DHRSX: variants seen among roughly 807,000 people sequenced by gnomAD.
DHRSX encodes the protein dehydrogenase/reductase X-linked, also known as polyprenol dehydrogenase.
Under a neutral mutation model 34.0 loss-of-function variants are expected in DHRSX, and 31 were observed. The ratio of observed to expected loss-of-function variants is 0.91; its 90% CI spans 0.69 to 1.23. The LOEUF is 1.23. DHRSX is among the 50% of genes most tolerant of loss of function. DHRSX has a pLI of 0.00. For synonymous variants in DHRSX, 201 were observed against 183.8 expected, an observed-to-expected ratio of 1.09 and a Z score of -0.76; for missense variants, 414 against 428.1, an observed-to-expected ratio of 0.97 and a Z score of 0.29.
rs778137150 is a variant in DHRSX at position 2,285,102 on chromosome X, GAC to G, written c.388+6398_388+6399del. ...GGCACCAGGGACCACTTTTGTGAAA[GAC>G]AATTTTCTGAAGACAGAAGGTGGAG... On this transcript the variant is annotated intron_variant, in intron 4 of 6. Transcript: ENST00000334651. 1.4e-4 allele frequency among the ~76,000 whole-genome samples: 21 copies of G among 152,276 alleles called. No individual in the cohort carries two copies. The South Asian group carries it at 3.9e-3, about 29-fold the overall frequency.
At chrX:2,432,172 C>T (rs771593948) in intron 1 of DHRSX, among the ~76,000 whole-genome samples, 6 of 151,372 alleles carry the variant, frequency 4.0e-5, no homozygotes, top group South Asian at 4.2e-4. Context: ...CCAGCCAGGG[C>T]GACAGAGCCA....
intron 1 of DHRSX, among the ~76,000 whole-genome samples, chrX:2,428,354 A>G (rs2043875161): frequency 6.6e-6 from 1 of 152,244 alleles, no homozygotes; most frequent in African/African-American, 2.4e-5. Context: ...ACAATAGTAA[A>G]GACTTGGAAC....
intron 3 of DHRSX, among the ~76,000 whole-genome samples, chrX:2,347,656 G>A (rs778895479): frequency 1.3e-4 from 20 of 152,192 alleles, no homozygotes; most frequent in South Asian, 8.3e-4. Flanking sequence ...ATCATGCCAC[G>A]GCACTCCAGC....
chrX:2,362,883 C>T (rs1437373121), intron 3 of DHRSX, among the ~76,000 whole-genome samples: 2 of 125,128 alleles, frequency 1.6e-5, no homozygotes, highest in African/African-American at 2.7e-5. Context: ...TCTATGATAT[C>T]ATGCCGCCAT....
At chrX:2,269,664 G>GA (rs2041523335) in intron 4 of DHRSX, among the ~76,000 whole-genome samples, 1 of 152,140 alleles carries the variant, frequency 6.6e-6, no homozygotes, top group African/African-American at 2.4e-5. Context: ...AGCCTCCCGA[G>GA]TAGCTGGGAT....
intron 3 of DHRSX, among the ~76,000 whole-genome samples, chrX:2,291,904 T>A (rs2041871404): frequency 6.7e-6 from 1 of 148,190 alleles, no homozygotes; most frequent in Non-Finnish European, 1.5e-5. Context: ...GTATTTTTTT[T>A]TTTTTTTTTT....
intron 3 of DHRSX, 133 bp downstream of exon 3, chrX:2,408,612 G>A: frequency 1.3e-6 from 1 of 752,858 alleles, no homozygotes; most frequent in Non-Finnish European, 2.2e-6. Context: ...CCCAAAAGAA[G>A]AGTGCAAAAA....
At chrX:2,419,140 C>A (rs766362529) in intron 2 of DHRSX, among the ~76,000 whole-genome samples, 19 of 152,254 alleles carry the variant, frequency 1.2e-4, no homozygotes, top group African/African-American at 4.6e-4. Flanking sequence ...TGTTGAAATT[C>A]TAACATCCCC....
At chrX:2,268,769 C>T (rs1211175271) in intron 4 of DHRSX, among the ~76,000 whole-genome samples, 1 of 152,182 alleles carries the variant, frequency 6.6e-6, no homozygotes, top group Non-Finnish European at 1.5e-5. Flanking sequence ...TGGAATTGTA[C>T]AATCGCAAGT....
At chrX:2,363,132 T>A (rs1220309279) in intron 3 of DHRSX, among the ~76,000 whole-genome samples, 5 of 133,694 alleles carry the variant, frequency 3.7e-5, no homozygotes, top group South Asian at 2.6e-4. Flanking sequence ...TTCTATGGTA[T>A]CATGCCGCCA....
chrX:2,448,914 C>T (rs1489216035), intron 1 of DHRSX, among the ~76,000 whole-genome samples: 1 of 152,118 alleles, frequency 6.6e-6, no homozygotes, highest in African/African-American at 2.4e-5. Flanking sequence ...CTGGGCCGGG[C>T]GCGGTGGCTC....
At chrX:2,240,024 G>C (rs1165279130) in intron 6 of DHRSX, among the ~76,000 whole-genome samples, 1 of 151,742 alleles carries the variant, frequency 6.6e-6, no homozygotes, top group Non-Finnish European at 1.5e-5. Context: ...TGGGCGCGGT[G>C]GCTCACGCCT....
At chrX:2,258,579 A>C (rs942443133) in intron 5 of DHRSX, among the ~76,000 whole-genome samples, 6 of 152,046 alleles carry the variant, frequency 3.9e-5, no homozygotes, top group Non-Finnish European at 8.8e-5. Flanking sequence ...CCTCAGGAGG[A>C]GTCAGCCACA....
intron 4 of DHRSX, among the ~76,000 whole-genome samples, chrX:2,276,624 G>A (rs1428067561): frequency 1.3e-5 from 2 of 151,990 alleles, no homozygotes; most frequent in Admixed American, 6.6e-5. Flanking sequence ...TGTGCCTGAA[G>A]CAGTGAACAC....
intron 3 of DHRSX, among the ~76,000 whole-genome samples, chrX:2,347,100 T>A (rs183432376): frequency 3.3e-5 from 5 of 152,292 alleles, no homozygotes; most frequent in South Asian, 2.1e-4. Flanking sequence ...ATAAGTATGT[T>A]TTCATGCTGT....
At chrX:2,375,616 CGGTTGGTT>C (rs1024429493) in intron 3 of DHRSX, among the ~76,000 whole-genome samples, 1 of 133,872 alleles carries the variant, frequency 7.5e-6, no homozygotes, top group Non-Finnish European at 1.8e-5. Context: ...GTTGGTTGGT[CGGTTGGTT>C]GGTTGGTTGG....
At chrX:2,345,477 T>C (rs2042694491) in intron 3 of DHRSX, among the ~76,000 whole-genome samples, 1 of 151,754 alleles carries the variant, frequency 6.6e-6, no homozygotes, top group South Asian at 2.1e-4. Context: ...ACCTTGTCTC[T>C]ACCAAAAAAA....
chrX:2,436,065 C>T (rs941803698), intron 1 of DHRSX, among the ~76,000 whole-genome samples: 2 of 151,994 alleles, frequency 1.3e-5, no homozygotes, highest in African/African-American at 4.8e-5. Context: ...TGGTAGCACG[C>T]ACCTGTAATC....
At position 2,352,149 on chromosome X, in the gene DHRSX, C is replaced by T. The variant is rs376295763; in HGVS notation, c.286+56596G>A. The stretch of plus-strand genomic sequence containing the variant: ...GATGTCCTCCCGTATTCTCTATCCA[C>T]AAAACAGGAAGCTTAGCTGATGACT... On this transcript the variant is annotated intron_variant, in intron 3 of 6. Coordinates refer to ENST00000334651, the MANE Select transcript of DHRSX (RefSeq NM_145177.3). 8.5e-5 allele frequency among the ~76,000 whole-genome samples: 13 copies of T among 152,092 alleles called. No individual in the cohort carries two copies. The East Asian group carries it at 1.6e-3, about 18-fold the overall frequency.
Sources: gnomAD v4.1 joint callset for allele counts (sites outside exome capture counted in the v4.1 genomes callset) on GRCh38, gnomAD v4.1.1 for gene constraint, MANE v1.5 for transcripts, NCBI Gene and HGNC (gene_info 2026-07-23, HGNC 2026-07-21) for gene names.